CHRM5: variants seen among roughly 807,000 people sequenced by gnomAD.
CHRM5 encodes the protein muscarinic acetylcholine receptor M5.
CHRM5 carries 18 observed loss-of-function variants against 39.0 expected under a neutral mutation model. The ratio of observed to expected loss-of-function variants is 0.46; its 90% CI spans 0.32 to 0.68. The LOEUF (loss-of-function observed/expected upper bound fraction) is 0.68. CHRM5 is among the 30% of genes least tolerant of loss of function. The pLI is 0.04. For missense variants in CHRM5, 515 were observed against 651.1 expected, an observed-to-expected ratio of 0.79 and a Z score of 2.28; for synonymous variants, 241 against 246.3, an observed-to-expected ratio of 0.98 and a Z score of 0.20.
At chr15:34,041,625 G>GT (rs1211884578) in intron 1 of CHRM5, among the ~76,000 whole-genome samples, 5 of 152,246 alleles carry the variant, frequency 3.3e-5, no homozygotes, top group African/African-American at 1.2e-4. Context: ...CTTTTGAAAG[G>GT]TATGCCATTT....
Position 34,067,356 on chromosome 15 carries a change from T to C in CHRM5, c.*3040T>C, listed in dbSNP as rs1357226125. 1.3e-5 allele frequency: 2 copies of C among 152,202 alleles called. No homozygotes were observed. Among genetic ancestry groups the C allele is most frequent in the Non-Finnish European group, 2.9e-5 (2 of 68,044 alleles). The allele number at this position is 152,202 out of a possible 1,614,324, so 9.4% of individuals were successfully genotyped here. A position where few individuals can be genotyped will look rare whatever the true frequency, so the allele number is the denominator to read the frequency against. ...CAAACCTCTGGATTAGAATCTCCAGTTGTCTACTGTAAATACTGGAATTAC... is the reference window on the plus strand; with the variant it reads ...CAAACCTCTGGATTAGAATCTCCAGCTGTCTACTGTAAATACTGGAATTAC... On this transcript the variant is annotated 3_prime_UTR_variant, in exon 3 of 3. Transcript: ENST00000383263.
intron 1 of CHRM5, among the ~76,000 whole-genome samples, chr15:33,975,686 C>T (rs915046610): frequency 6.6e-6 from 1 of 152,178 alleles, no homozygotes; most frequent in Non-Finnish European, 1.5e-5. Context: ...AATCCCAGCA[C>T]TTTGGGAGGC....
At chr15:34,045,774 A>G (rs945898992) in intron 1 of CHRM5, among the ~76,000 whole-genome samples, 1 of 151,906 alleles carries the variant, frequency 6.6e-6, no homozygotes, top group African/African-American at 2.4e-5. Context: ...TGGCAAGTCC[A>G]CTCGACAAGA....
At chr15:34,038,833 GGGCGC>G (rs1899304705) in intron 1 of CHRM5, 1 of 1,189,470 alleles carries the variant, frequency 8.4e-7, no homozygotes, top group Non-Finnish European at 1.0e-6. Flanking sequence ...CTGCCTCGCG[GGGCGC>G]CTCCTCCTCC....
In CHRM5 at chr15:34,064,175, C is replaced by T; in HGVS notation, c.1458C>T (p.Val486=). The part of the protein sequence containing the change: ...LWHLGYWLCY[V]NSTVNPICYA... The stretch of plus-strand genomic sequence containing the variant: ...ACTTGGGCTATTGGTTGTGCTATGT[C>T]AATAGCACTGTCAACCCCATCTGCT... The change falls in exon 3 of 3, where the codon GTC becomes GTT. Residue 486 remains valine (V), a synonymous_variant. Transcript: ENST00000383263. 1 of 1,614,146 alleles carries T rather than the reference C, an allele frequency of 6.2e-7. No homozygotes were observed. Among genetic ancestry groups the T allele is most frequent in the Non-Finnish European group, 8.5e-7 (1 of 1,180,022 alleles).
intron 1 of CHRM5, among the ~76,000 whole-genome samples, chr15:33,969,379 T>C (rs907075838): frequency 2.6e-5 from 4 of 152,052 alleles, no homozygotes; most frequent in African/African-American, 9.7e-5. Context: ...ATTTGTCTCA[T>C]CTTTGTCTTT....
intron 1 of CHRM5, among the ~76,000 whole-genome samples, chr15:34,025,106 G>A (rs1898397006): frequency 6.6e-6 from 1 of 151,996 alleles, no homozygotes; most frequent in Admixed American, 6.6e-5. Flanking sequence ...GGAGGCAGAG[G>A]ATGCAATAAG....
intron 1 of CHRM5, among the ~76,000 whole-genome samples, chr15:34,019,322 G>T (rs1898104521): frequency 6.6e-6 from 1 of 152,058 alleles, no homozygotes; most frequent in Non-Finnish European, 1.5e-5. Flanking sequence ...GATATATTTT[G>T]GTACAGCTGT....
intron 1 of CHRM5, among the ~76,000 whole-genome samples, chr15:34,019,039 G>GTT (rs72523303): frequency 6.6e-6 from 1 of 150,968 alleles, no homozygotes; most frequent in Admixed American, 6.6e-5. Context: ...TGATTGGTGC[G>GTT]TTTTTTTTAC....
At chr15:34,048,217 C>T (rs1567488086) in intron 2 of CHRM5, among the ~76,000 whole-genome samples, 1 of 152,244 alleles carries the variant, frequency 6.6e-6, no homozygotes, top group African/African-American at 2.4e-5. Context: ...TTCCTCCTCA[C>T]TGGGTGGGAT....
At chr15:34,008,979 C>A (rs1897510052) in intron 1 of CHRM5, among the ~76,000 whole-genome samples, 1 of 144,826 alleles carries the variant, frequency 6.9e-6, no homozygotes, top group Non-Finnish European at 1.5e-5. Flanking sequence ...CACACACAGA[C>A]CATCGAGAAA....
chr15:34,003,197 T>C (rs1897207025), intron 1 of CHRM5: 2 of 1,613,338 alleles, frequency 1.2e-6, no homozygotes, highest in South Asian at 1.1e-5. Flanking sequence ...TCTGCATCGC[T>C]GTCATCTTCA....
intron 1 of CHRM5, among the ~76,000 whole-genome samples, chr15:34,028,253 G>T (rs539869529): frequency 6.6e-6 from 1 of 152,106 alleles, no homozygotes; most frequent in African/African-American, 2.4e-5. Context: ...TATATAGTTT[G>T]CATCTGACCT....
rs144609737 is a variant in CHRM5 at position 34,044,176 on chromosome 15, C to T, written c.-407-2364C>T. 7.9e-5 allele frequency among the ~76,000 whole-genome samples: 12 copies of T among 152,188 alleles called. No homozygotes were observed. The East Asian group carries it at 2.3e-3, about 29-fold the overall frequency. ...CTCTACTCCTTTTTATAGCAAAGTT[C>T]CTCAGAAGAGTCATCTATAGCACTG... is the stretch of plus-strand genomic sequence containing the variant. On this transcript the variant is annotated intron_variant, in intron 1 of 2. Coordinates refer to ENST00000383263, the MANE Select transcript of CHRM5 (RefSeq NM_012125.4).
At chr15:34,045,665 G>A (rs529206159) in intron 1 of CHRM5, among the ~76,000 whole-genome samples, 1 of 151,710 alleles carries the variant, frequency 6.6e-6, no homozygotes, top group African/African-American at 2.4e-5. Context: ...AAACAATGAA[G>A]AGTAACAAGG....
chr15:34,018,967 G>A (rs999767811), intron 1 of CHRM5, among the ~76,000 whole-genome samples: 1 of 151,920 alleles, frequency 6.6e-6, no homozygotes, highest in Non-Finnish European at 1.5e-5. Context: ...ACAGAGTGCT[G>A]ATTGGTGTGT....
chr15:33,981,321 T>G (rs957620247), intron 1 of CHRM5, among the ~76,000 whole-genome samples: 1 of 152,234 alleles, frequency 6.6e-6, no homozygotes, highest in Admixed American at 6.5e-5. Flanking sequence ...ATTTGCAAGT[T>G]AGCACTCCTG....
chr15:34,030,418 T>C (rs537956276), intron 1 of CHRM5, among the ~76,000 whole-genome samples: 1 of 151,900 alleles, frequency 6.6e-6, no homozygotes, highest in South Asian at 2.1e-4. Flanking sequence ...CAATCTCGCT[T>C]CACTGCAAGC....
chr15:33,999,125 T>G (rs1204038684), intron 1 of CHRM5, among the ~76,000 whole-genome samples: 1 of 152,190 alleles, frequency 6.6e-6, no homozygotes, highest in Non-Finnish European at 1.5e-5. Context: ...ACAACTTCCC[T>G]TGTCTTCTGG....
Sources: allele counts gnomAD v4.1 joint callset (sites outside exome capture counted in the v4.1 genomes callset), GRCh38; gene constraint gnomAD v4.1.1; transcripts MANE v1.5; gene names NCBI Gene and HGNC (gene_info 2026-07-23, HGNC 2026-07-21).